ERGIC2: variants seen among roughly 807,000 people sequenced by gnomAD.
The protein encoded by ERGIC2 is endoplasmic reticulum-Golgi intermediate compartment protein 2.
A neutral mutation model predicts 52.5 loss-of-function variants in ERGIC2; 31 were observed. That is an observed-to-expected ratio of 0.59 (90% CI 0.44 to 0.80). The LOEUF (loss-of-function observed/expected upper bound fraction) is 0.80, where lower values mean the gene tolerates loss of function less well. Among genes scored for constraint, ERGIC2 ranks in the 30% least tolerant of loss-of-function variants. The pLI is 0.00. For synonymous variants in ERGIC2, 129 were observed against 140.6 expected (o/e 0.92, Z 0.58); for missense variants, 395 against 455.2 (o/e 0.87, Z 1.20).
At chr12:29,356,523 C>G (rs1173488271) in intron 7 of ERGIC2, 46 bp from the exon 8 acceptor site, 2 of 998,850 alleles carry the variant, frequency 2.0e-6, no homozygotes, top group Non-Finnish European at 3.1e-6. Context: ...AATACAGTTA[C>G]CATTTTATGA....
chr12:29,352,253 C>T (rs1323051244), intron 8 of ERGIC2, among the ~76,000 whole-genome samples: 1 of 152,154 alleles, frequency 6.6e-6, no homozygotes, highest in African/African-American at 2.4e-5. Context: ...CATATATAAA[C>T]AAATGAGCAT....
intron 6 of ERGIC2, among the ~76,000 whole-genome samples, chr12:29,358,567 A>T (rs878961213): frequency 6.6e-6 from 1 of 152,202 alleles, no homozygotes; most frequent in Non-Finnish European, 1.5e-5. Flanking sequence ...TTCACTGATT[A>T]TAACAACTAT....
Position 29,340,869 on chromosome 12 carries a change from A to C in ERGIC2, c.*287T>G. 2.1e-6 allele frequency: 1 copy of C among 477,126 alleles called. No individual in the cohort carries two copies. Among genetic ancestry groups the C allele is most frequent in the South Asian group, 1.7e-5 (1 of 57,176 alleles). 29.6% of individuals were successfully genotyped at this position (477,126 alleles called of 1,614,324 possible). On this transcript the variant is annotated 3_prime_UTR_variant, in exon 14 of 14. Transcript: ENST00000360150. The stretch of plus-strand genomic sequence containing the variant: ...GCAAGAAGCAATGTCTGATTTTGAT[A>C]CCACCCATTTGCTATGAAAATATAA...
At chr12:29,359,747 A>G (rs891958548) in intron 6 of ERGIC2, among the ~76,000 whole-genome samples, 1 of 151,946 alleles carries the variant, frequency 6.6e-6, no homozygotes, top group African/African-American at 2.4e-5. Context: ...CTCTTGGAAT[A>G]TACTTAGGGA....
intron 10 of ERGIC2, among the ~76,000 whole-genome samples, chr12:29,346,244 A>G (rs1940049836): frequency 1.3e-5 from 2 of 149,750 alleles, no homozygotes; most frequent in African/African-American, 2.5e-5. Context: ...GCTGGAGTGC[A>G]GTGGCGCAAT....
At chr12:29,343,041 T>C (rs971993197) in intron 12 of ERGIC2, 79 bp downstream of exon 12, 43 of 1,238,142 alleles carry the variant, frequency 3.5e-5, no homozygotes, top group Non-Finnish European at 4.1e-5. Context: ...ATCTGTATAC[T>C]TCTTGCCCCT....
rs532994642 is a variant in ERGIC2, at chr12:29,381,172, T to G, written c.-95A>C. On this transcript the variant is annotated 5_prime_UTR_variant, in exon 1 of 14. Coordinates refer to ENST00000360150, the MANE Select transcript of ERGIC2 (RefSeq NM_016570.3). The stretch of plus-strand genomic sequence containing the variant: ...TCACAGAAGCCCGGGTCGCCGGGGC[T>G]CCCGCGTACCCGGAAATATCGCGAG... The G allele has an allele frequency of 6.6e-6, 1 of 152,138 alleles. No individual in the cohort carries two copies. Among genetic ancestry groups the G allele is most frequent in the Non-Finnish European group, 1.5e-5 (1 of 68,046 alleles). The allele number at this position is 152,138 out of a possible 1,614,324, so 9.4% of individuals were successfully genotyped here. A position where few individuals can be genotyped will look rare whatever the true frequency, so the allele number is the denominator to read the frequency against.
chr12:29,358,275 T>C (rs1940236140), intron 6 of ERGIC2, among the ~76,000 whole-genome samples: 1 of 152,230 alleles, frequency 6.6e-6, no homozygotes, highest in Non-Finnish European at 1.5e-5. Flanking sequence ...TGTCATTAGA[T>C]GTAGTCCTAT....
intron 1 of ERGIC2, among the ~76,000 whole-genome samples, chr12:29,373,749 T>TC (rs1323830149): frequency 6.6e-6 from 1 of 152,120 alleles, no homozygotes; most frequent in Non-Finnish European, 1.5e-5. Flanking sequence ...ATGATTTTTT[T>TC]CCCATGCACT....
chr12:29,342,338 C>A (rs1949845902), intron 12 of ERGIC2, among the ~76,000 whole-genome samples: 1 of 152,092 alleles, frequency 6.6e-6, no homozygotes, highest in Non-Finnish European at 1.5e-5. Context: ...TCAAGGTTTT[C>A]CCACACCAAT....
chr12:29,354,352 C>T (rs12228116), intron 8 of ERGIC2, among the ~76,000 whole-genome samples: 2,446 of 152,260 alleles, frequency 0.016, 64 homozygotes, highest in African/African-American at 0.05. Context: ...AAATGTCACT[C>T]ATGATATCTG....
chr12:29,364,007 A>G (rs982319359), intron 5 of ERGIC2, among the ~76,000 whole-genome samples: 25 of 152,182 alleles, frequency 1.6e-4, no homozygotes, highest in South Asian at 2.1e-4. Context: ...ATCATCTTAA[A>G]TCATTTTAAA....
chr12:29,341,614 C>A (rs1195447217), intron 13 of ERGIC2, 120 bp downstream of exon 13: 6 of 640,196 alleles, frequency 9.4e-6, no homozygotes, highest in Middle Eastern at 2.6e-4. Context: ...CTCAAGCGAT[C>A]CTCCCGCCTT....
intron 3 of ERGIC2, among the ~76,000 whole-genome samples, chr12:29,369,418 T>A (rs1475306185): frequency 6.6e-6 from 1 of 151,974 alleles, no homozygotes; most frequent in Non-Finnish European, 1.5e-5. Flanking sequence ...TTGACTAATT[T>A]AATTCTCATA....
chr12:29,358,055 T>C (rs1204147468), intron 6 of ERGIC2, among the ~76,000 whole-genome samples: 4 of 152,180 alleles, frequency 2.6e-5, no homozygotes, highest in African/African-American at 7.2e-5. Flanking sequence ...ACAAAATTCT[T>C]ATCTTTGTCA....
At position 29,371,652 on chromosome 12, in the gene ERGIC2, C is replaced by G. The variant is rs1234513231; in HGVS notation, c.-19G>C. ...GCCTCATCTTCAGGAAAACCTTCCT[C>G]TTCCTTCATATAGTCATGCTAAGGA... On this transcript the variant is annotated 5_prime_UTR_variant, in exon 2 of 14. Coordinates refer to ENST00000360150, the MANE Select transcript of ERGIC2 (RefSeq NM_016570.3). 4 of 1,486,382 alleles carry G rather than the reference C, an allele frequency of 2.7e-6. No individual in the cohort carries two copies. The South Asian group carries it at 4.5e-5, about 17-fold the overall frequency. The allele number at this position is 1,486,382 out of a possible 1,614,324, so 92.1% of individuals were successfully genotyped here.
At chr12:29,376,227 G>A (rs1040521861) in intron 1 of ERGIC2, among the ~76,000 whole-genome samples, 3 of 152,144 alleles carry the variant, frequency 2.0e-5, no homozygotes, top group Non-Finnish European at 2.9e-5. Flanking sequence ...ATGAGGCACA[G>A]AACTGTCAAA....
chr12:29,366,843 G>A (rs377692236), intron 5 of ERGIC2, 34 bp downstream of exon 5: 36 of 1,361,532 alleles, frequency 2.6e-5, no homozygotes, highest in East Asian at 2.4e-4. Context: ...TCCTCAACCC[G>A]TGTATTTCAA....
chr12:29,345,366 T>C, intron 11 of ERGIC2, 77 bp downstream of exon 11: 2 of 802,478 alleles, frequency 2.5e-6, no homozygotes, highest in East Asian at 4.9e-5. Context: ...AACACCACCT[T>C]ATTTTGTAGC....
Sources: gnomAD v4.1 joint callset for allele counts (sites outside exome capture counted in the v4.1 genomes callset) on GRCh38, gnomAD v4.1.1 for gene constraint, MANE v1.5 for transcripts, NCBI Gene and HGNC (gene_info 2026-07-23, HGNC 2026-07-21) for gene names.